Variants in DYRK4 observed in about 807,000 individuals in gnomAD.
DYRK4 encodes dual specificity tyrosine-phosphorylation-regulated kinase 4.
A neutral mutation model predicts 68.3 loss-of-function variants in DYRK4; 64 were observed. The observed-to-expected ratio is 0.94, with a 90% CI of 0.77 to 1.15. The LOEUF is 1.15. Among genes scored for constraint, DYRK4 ranks in the 50% most tolerant of loss-of-function variants. The pLI is 0.00. For synonymous variants in DYRK4, 274 were observed against 289.9 expected (o/e 0.95, Z 0.56); for missense variants, 740 against 764.7 (o/e 0.97, Z 0.38).
intron 6 of DYRK4, among the ~76,000 whole-genome samples, chr12:4,595,941 GC>G (rs1945012579): frequency 6.6e-6 from 1 of 152,190 alleles, no homozygotes; most frequent in Non-Finnish European, 1.5e-5. Flanking sequence ...ACTTTCCCTG[GC>G]ACCACATGGG....
chr12:4,583,459 C>T (rs1450162637), intron 2 of DYRK4, among the ~76,000 whole-genome samples: 1 of 151,978 alleles, frequency 6.6e-6, no homozygotes, highest in Non-Finnish European at 1.5e-5. Flanking sequence ...GTGACCATTC[C>T]CTCTTGTATT....
intron 12 of DYRK4, among the ~76,000 whole-genome samples, chr12:4,608,388 A>G (rs78395662): frequency 0.017 from 2,649 of 152,278 alleles, 77 homozygotes; most frequent in South Asian, 0.11. Context: ...CAGCTTCTGA[A>G]TATGTATGCA....
chr12:4,608,757 CT>C (rs766544802), intron 12 of DYRK4, among the ~76,000 whole-genome samples: 23 of 152,266 alleles, frequency 1.5e-4, no homozygotes, highest in Non-Finnish European at 2.8e-4. Context: ...ATGGTTAATT[CT>C]TTTAAACATC....
chr12:4,563,042 A>G (rs1330358914), intron 1 of DYRK4: 5 of 456,048 alleles, frequency 1.1e-5, no homozygotes, highest in Non-Finnish European at 1.8e-5. Context: ...TATTAATTCA[A>G]GCTTCACTGT....
At chr12:4,568,526 C>T (rs1944699315) in intron 2 of DYRK4, among the ~76,000 whole-genome samples, 1 of 152,076 alleles carries the variant, frequency 6.6e-6, no homozygotes, top group Non-Finnish European at 1.5e-5. Context: ...GCTGGGATTA[C>T]AAGCATGCAC....
chr12:4,574,100 C>G lies in DYRK4; in HGVS notation c.132+6052C>G, dbSNP rs147006026. 9.9e-3 allele frequency among the ~76,000 whole-genome samples: 1,508 copies of G among 152,098 alleles called. 16 individuals carry two copies. The highest frequency in any genetic ancestry group is 0.034 in the African/African-American group (1,422 of 41,496). On this transcript the variant is annotated intron_variant, in intron 2 of 14. Coordinates refer to ENST00000543431, the MANE Select transcript of DYRK4 (RefSeq NM_001394779.1). ...ATTAGCCGTGCGTGGTGGCGGGTGC[C>G]TGTAATCCCAGCTGCTCGGGAGGCT...
intron 2 of DYRK4, among the ~76,000 whole-genome samples, chr12:4,576,322 C>T (rs993013606): frequency 6.6e-6 from 1 of 152,304 alleles, no homozygotes; most frequent in African/African-American, 2.4e-5. Flanking sequence ...TAATGTCCTC[C>T]ATGTCTTTTC....
chr12:4,605,726 T>G (rs2137397636), intron 11 of DYRK4, among the ~76,000 whole-genome samples: 2 of 101,732 alleles, frequency 2.0e-5, no homozygotes, highest in African/African-American at 3.9e-5. Flanking sequence ...TGAATAGAGC[T>G]GGGTTTTTTT....
intron 8 of DYRK4, among the ~76,000 whole-genome samples, chr12:4,598,162 G>A (rs1365117839): frequency 2.6e-5 from 4 of 152,144 alleles, no homozygotes; most frequent in Non-Finnish European, 5.9e-5. Flanking sequence ...GGTCACTTGA[G>A]TCCGAAAGTT....
chr12:4,593,092 C>T lies in DYRK4; in HGVS notation c.554C>T (p.Ala185Val). ...GAGCTGTGGTTCCTGGGTCTTGAAG[C>T]CAAGAAGCTCGACACGGCTCCTGAG... The part of the protein sequence containing the change: ...YAELWFLGLE[A>V]KKLDTAPEKF... The change falls in exon 6 of 15, where the codon GCC (alanine) becomes GTC (valine). Residue 185 changes from alanine to valine, a missense_variant. Ala to Val is a moderately conservative substitution (Grantham distance 64, BLOSUM62 0). Coordinates refer to ENST00000543431, the MANE Select transcript of DYRK4 (RefSeq NM_001394779.1). 1.2e-6 allele frequency: 2 copies of T among 1,614,156 alleles called. No homozygotes were observed. Among genetic ancestry groups the T allele is most frequent in the Non-Finnish European group, 1.7e-6 (2 of 1,180,036 alleles).
At chr12:4,600,971 C>T (rs1471611391) in intron 10 of DYRK4, among the ~76,000 whole-genome samples, 1 of 152,024 alleles carries the variant, frequency 6.6e-6, no homozygotes, top group Non-Finnish European at 1.5e-5. Flanking sequence ...CTCATTAGAA[C>T]AAAGAGAGTC....
chr12:4,584,609 A>G (rs1459723667), intron 2 of DYRK4, among the ~76,000 whole-genome samples: 2 of 128,170 alleles, frequency 1.6e-5, no homozygotes, highest in Non-Finnish European at 3.1e-5. Flanking sequence ...AGGCTGGAGT[A>G]CACTGGTGCG....
intron 2 of DYRK4, among the ~76,000 whole-genome samples, chr12:4,582,029 CA>C (rs1280270557): frequency 2.6e-5 from 4 of 152,140 alleles, no homozygotes; most frequent in African/African-American, 9.7e-5. Flanking sequence ...GTGCATGAAA[CA>C]AAGTTTGTGC....
At chr12:4,574,069 C>CA (rs776119096) in intron 2 of DYRK4, among the ~76,000 whole-genome samples, 4 of 151,688 alleles carry the variant, frequency 2.6e-5, no homozygotes, top group South Asian at 2.1e-4. Context: ...ACTAAAAATA[C>CA]AAAAAATTAG....
At chr12:4,603,216 C>G (rs117894402) in intron 10 of DYRK4, 11,632 of 1,093,118 alleles carry the variant, frequency 0.011, 140 homozygotes, top group Non-Finnish European at 0.015. Flanking sequence ...AAAGATTTGT[C>G]AGGATCAGAA....
intron 2 of DYRK4, 114 bp from the exon 3 acceptor site, chr12:4,588,823 G>A: frequency 1.1e-6 from 1 of 933,844 alleles, no homozygotes; most frequent in Non-Finnish European, 1.6e-6. Context: ...TCCCAGCTAA[G>A]GATTCAGGAG....
At chr12:4,599,271 T>A in intron 9 of DYRK4, 105 bp downstream of exon 9, 30 of 232,514 alleles carry the variant, frequency 1.3e-4, no homozygotes, top group Non-Finnish European at 1.4e-4. Flanking sequence ...TGCCTTTGAC[T>A]TTTTTTTTTT....
At chr12:4,575,823 T>C (rs1354337562) in intron 2 of DYRK4, among the ~76,000 whole-genome samples, 1 of 152,256 alleles carries the variant, frequency 6.6e-6, no homozygotes, top group Non-Finnish European at 1.5e-5. Context: ...CAGTTGTATG[T>C]GCTGCAAACA....
chr12:4,599,276 T>G lies in DYRK4; in HGVS notation c.1044+110T>G, dbSNP rs1204505922. ...ATCAAATAATTGCCTTTGACTTTTTTTTTTTTTTTTTTTTTTGGTGCTCTA... is the reference window on the plus strand; with the variant it reads ...ATCAAATAATTGCCTTTGACTTTTTGTTTTTTTTTTTTTTTTGGTGCTCTA... On this transcript the variant is annotated intron_variant, in intron 9 of 14. Coordinates refer to ENST00000543431, the MANE Select transcript of DYRK4 (RefSeq NM_001394779.1). The G allele has an allele frequency of 1.9e-3, 1,987 of 1,063,034 alleles. 2 individuals are homozygous for G. The highest frequency in any genetic ancestry group is 4.5e-3 in the South Asian group (253 of 56,036). The allele number at this position is 1,063,034 out of a possible 1,614,324, so 65.9% of individuals were successfully genotyped here. A position where few individuals can be genotyped will look rare whatever the true frequency, so the allele number is the denominator to read the frequency against.
Sources: allele counts gnomAD v4.1 joint callset (sites outside exome capture counted in the v4.1 genomes callset), GRCh38; gene constraint gnomAD v4.1.1; transcripts MANE v1.5; gene names NCBI Gene and HGNC (gene_info 2026-07-23, HGNC 2026-07-21).